The following CPNE5 variants were observed in gnomAD, a reference collection of about 807,000 sequenced individuals.
The protein encoded by CPNE5 is copine-5.
In CPNE5, 42 loss-of-function variants were observed where a neutral mutation model predicts 81.1. That is an observed-to-expected ratio of 0.52 (90% CI 0.40 to 0.67). The LOEUF (loss-of-function observed/expected upper bound fraction) is 0.67, where lower values mean the gene tolerates loss of function less well. Ranked by LOEUF, CPNE5 falls within the 30% of genes least tolerant of loss-of-function variation. The pLI is 0.00. For synonymous variants in CPNE5, 313 were observed against 321.5 expected (o/e 0.97, Z 0.28); for missense variants, 612 against 815.5 (o/e 0.75, Z 3.04).
At position 36,798,488 on chromosome 6, in the gene CPNE5, G is replaced by A. The variant is rs779911804; in HGVS notation, c.294C>T (p.Asp98=). The change falls in exon 5 of 21, where the codon GAC becomes GAT. Residue 98 remains aspartate, a synonymous_variant. Coordinates refer to ENST00000244751, the MANE Select transcript of CPNE5 (RefSeq NM_020939.2). ...ATAAATCAGGACTCTTAGAGTCAAC[G>A]TCGTATCTGCAGGGAACACAGAGAA... is the stretch of plus-strand genomic sequence containing the variant. ...EKQNLRFDLY[D]VDSKSPDLSK... 3 of 1,613,940 alleles carry A rather than the reference G, an allele frequency of 1.9e-6. No homozygotes were observed. The highest frequency in any genetic ancestry group is 1.7e-5 in the Admixed American group (1 of 60,024).
In CPNE5 at chr6:36,743,005, G is replaced by C. The variant is rs573831098; in HGVS notation, c.1564-519C>G. 6.1e-6 allele frequency: 6 copies of C among 985,290 alleles called. No individual in the cohort carries two copies. The African/African-American group carries it at 7.0e-5, about 11-fold the overall frequency. 61.0% of individuals were successfully genotyped at this position (985,290 alleles called of 1,614,324 possible). On this transcript the variant is annotated intron_variant, in intron 20 of 20. Transcript: ENST00000244751. ...TCTTCTGGCTCACTCCTGCCTCCAGGCCTTAGCATGGGCCGGTCCCACCTC... is the reference window on the plus strand; with the variant it reads ...TCTTCTGGCTCACTCCTGCCTCCAGCCCTTAGCATGGGCCGGTCCCACCTC...
At chr6:36,745,308 C>G in intron 17 of CPNE5, 80 bp downstream of exon 17, 59 of 1,515,922 alleles carry the variant, frequency 3.9e-5, no homozygotes, top group Non-Finnish European at 5.0e-5. Flanking sequence ...AAGAGAAACC[C>G]CCTCCCACCA....
intron 3 of CPNE5, among the ~76,000 whole-genome samples, chr6:36,819,227 CA>C (rs1351808110): frequency 6.6e-6 from 1 of 152,200 alleles, no homozygotes; most frequent in Non-Finnish European, 1.5e-5. Flanking sequence ...CTCAGCCTCC[CA>C]AGTAGCTGGA....
At position 36,822,236 on chromosome 6, in the gene CPNE5, G is replaced by C. The variant is rs576418665; in HGVS notation, c.137-76C>G. On this transcript the variant is annotated intron_variant, in intron 2 of 20. Coordinates refer to ENST00000244751, the MANE Select transcript of CPNE5 (RefSeq NM_020939.2). ...AGGGGTCCCAGATGAAAAGGATCCT[G>C]GCTGGGCAGGCGCCTCAGCAGACCC... The C allele has an allele frequency of 1.4e-5, 18 of 1,290,594 alleles. No homozygotes were observed. The African/African-American group carries it at 2.7e-4, about 19-fold the overall frequency. 79.9% of individuals were successfully genotyped at this position (1,290,594 alleles called of 1,614,324 possible). A position where few individuals can be genotyped will look rare whatever the true frequency, so the allele number is the denominator to read the frequency against.
At chr6:36,744,041 G>A (rs1351003835) in intron 19 of CPNE5, among the ~76,000 whole-genome samples, 2 of 152,248 alleles carry the variant, frequency 1.3e-5, no homozygotes, top group Non-Finnish European at 2.9e-5. Context: ...CACAGCCTTG[G>A]GATGTGGGTG....
At chr6:36,788,054 A>G (rs1447689157) in intron 8 of CPNE5, among the ~76,000 whole-genome samples, 5 of 144,456 alleles carry the variant, frequency 3.5e-5, no homozygotes, top group Admixed American at 3.5e-4. Context: ...TTTTTTTGAC[A>G]GGGTCTCACT....
At chr6:36,758,167 T>A (rs1467574054) in intron 12 of CPNE5, among the ~76,000 whole-genome samples, 1 of 152,216 alleles carries the variant, frequency 6.6e-6, no homozygotes, top group Non-Finnish European at 1.5e-5. Context: ...TCTCCTCATC[T>A]CTAAAATGGG....
intron 8 of CPNE5, among the ~76,000 whole-genome samples, chr6:36,788,227 G>A (rs955260808): frequency 2.4e-5 from 3 of 122,616 alleles, no homozygotes; most frequent in Non-Finnish European, 3.2e-5. Context: ...AGAGATGGTC[G>A]GGGGGGGGTC....
chr6:36,749,661 TAA>T (rs71540165), intron 14 of CPNE5, among the ~76,000 whole-genome samples: 13,381 of 139,436 alleles, frequency 0.096, 668 homozygotes, highest in Non-Finnish European at 0.12. Flanking sequence ...ACCTCAAAAA[TAA>T]AAAAAAAAAA....
chr6:36,826,684 G>A (rs1772530412), intron 1 of CPNE5, among the ~76,000 whole-genome samples: 1 of 152,248 alleles, frequency 6.6e-6, no homozygotes, highest in Admixed American at 6.5e-5. Context: ...GGCCTGGCAA[G>A]CTGGATGGAT....
intron 9 of CPNE5, among the ~76,000 whole-genome samples, chr6:36,776,777 G>A (rs918187523): frequency 6.6e-5 from 10 of 152,014 alleles, no homozygotes; most frequent in Non-Finnish European, 1.3e-4. Context: ...CACAGCAGGT[G>A]CCTCCTTGCC....
At chr6:36,752,774 G>T (rs1275258621) in intron 14 of CPNE5, among the ~76,000 whole-genome samples, 2 of 152,190 alleles carry the variant, frequency 1.3e-5, no homozygotes, top group Admixed American at 6.5e-5. Context: ...TCCAGGTCCT[G>T]TCTCTGCATG....
intron 8 of CPNE5, among the ~76,000 whole-genome samples, chr6:36,787,242 G>A (rs964324564): frequency 6.6e-6 from 1 of 152,004 alleles, no homozygotes; most frequent in African/African-American, 2.4e-5. Context: ...TCTCCCTGAA[G>A]CTTATCTTTG....
At chr6:36,750,822 A>G (rs951939330) in intron 14 of CPNE5, among the ~76,000 whole-genome samples, 1 of 152,202 alleles carries the variant, frequency 6.6e-6, no homozygotes, top group Non-Finnish European at 1.5e-5. Flanking sequence ...TTCCAAATAC[A>G]GGGTGAGGGG....
chr6:36,788,022 C>A (rs936048854), intron 8 of CPNE5, among the ~76,000 whole-genome samples: 2 of 151,290 alleles, frequency 1.3e-5, no homozygotes, highest in East Asian at 2.0e-4. Flanking sequence ...TTGACAACAA[C>A]CCCTACCTTT....
chr6:36,751,565 G>T (rs111701519), intron 14 of CPNE5, among the ~76,000 whole-genome samples: 9 of 152,296 alleles, frequency 5.9e-5, no homozygotes, highest in African/African-American at 2.2e-4. Flanking sequence ...CGAGGCAGGC[G>T]AATCACCTGA....
intron 3 of CPNE5, among the ~76,000 whole-genome samples, chr6:36,815,704 G>T (rs975337085): frequency 2.6e-5 from 4 of 152,268 alleles, no homozygotes; most frequent in Admixed American, 2.6e-4. Context: ...GAAGACACAT[G>T]TCAAGTTGCC....
chr6:36,749,662 A>AAAT (rs57355979), intron 14 of CPNE5, among the ~76,000 whole-genome samples: 2 of 47,932 alleles, frequency 4.2e-5, no homozygotes, highest in African/African-American at 1.4e-4. Flanking sequence ...CCTCAAAAAT[A>AAAT]AAAAAAAAAA....
rs114579993 is a variant in CPNE5 at position 36,749,937 on chromosome 6, C to G, written c.972-1670G>C. Among the ~76,000 whole-genome samples, 807 of 152,342 alleles carry G rather than the reference C, an allele frequency of 5.3e-3. 2 individuals carry two copies. Among genetic ancestry groups the G allele is most frequent in the African/African-American group, 0.019 (771 of 41,578 alleles). On this transcript the variant is annotated intron_variant, in intron 14 of 20. Transcript: ENST00000244751. ...CCAGACAGAACAAAGCTGACAAACACAAGTCCCTGATAAAGTCTAGTCTTA... is the reference window on the plus strand; with the variant it reads ...CCAGACAGAACAAAGCTGACAAACAGAAGTCCCTGATAAAGTCTAGTCTTA...
Sources: gnomAD v4.1 joint callset for allele counts (sites outside exome capture counted in the v4.1 genomes callset) on GRCh38, gnomAD v4.1.1 for gene constraint, MANE v1.5 for transcripts, NCBI Gene and HGNC (gene_info 2026-07-23, HGNC 2026-07-21) for gene names.